AGPAT5: variants seen among roughly 807,000 people sequenced by gnomAD.
AGPAT5 encodes the protein 1-acyl-sn-glycerol-3-phosphate acyltransferase epsilon.
A neutral mutation model predicts 45.6 loss-of-function variants in AGPAT5; 46 were observed. That is an observed-to-expected ratio of 1.01 (90% CI 0.80 to 1.29). The LOEUF (loss-of-function observed/expected upper bound fraction) is 1.29, where lower values mean the gene tolerates loss of function less well. AGPAT5 is among the 50% of genes most tolerant of loss of function. The pLI is 0.00. For missense variants in AGPAT5, 673 were observed against 450.7 expected (o/e 1.49, Z -4.47); for synonymous variants, 272 against 167.0 (o/e 1.63, Z -4.85).
intron 7 of AGPAT5, 121 bp downstream of exon 7, chr8:6,755,295 A>G: frequency 9.1e-7 from 1 of 1,096,754 alleles, no homozygotes; most frequent in Non-Finnish European, 1.3e-6. Flanking sequence ...ATAAATTCAA[A>G]TCAAATTTTA....
chr8:6,728,701 A>G (rs1800769902), intron 2 of AGPAT5, among the ~76,000 whole-genome samples: 1 of 152,218 alleles, frequency 6.6e-6, no homozygotes, highest in African/African-American at 2.4e-5. Flanking sequence ...TATTTCCAAG[A>G]TGTGCTGTAG....
intron 1 of AGPAT5, among the ~76,000 whole-genome samples, chr8:6,717,321 A>G (rs1800364416): frequency 6.6e-6 from 1 of 152,180 alleles, no homozygotes; most frequent in African/African-American, 2.4e-5. Context: ...TATTTGGAAG[A>G]CGACTTTACT....
Position 6,730,318 on chromosome 8 carries a change from C to CTTTTT in AGPAT5, c.290-367_290-363dup, listed in dbSNP as rs1238035929. On this transcript the variant is annotated intron_variant, in intron 2 of 7. Coordinates refer to ENST00000285518, the MANE Select transcript of AGPAT5 (RefSeq NM_018361.5). ...AATTTTAAACATCCTAATCATAGGA[C>CTTTTT]TTTTTTTTTTTTTTTTTTTTTTTTT... is the stretch of plus-strand genomic sequence containing the variant. Among the ~76,000 whole-genome samples the CTTTTT allele has an allele frequency of 1.1e-3, 33 of 29,508 alleles. 16 individuals carry two copies. The highest frequency in any genetic ancestry group is 1.6e-3 in the East Asian group (2 of 1,214). The allele number at this position is 29,508 out of a possible 152,430, so 19.4% of individuals were successfully genotyped here.
chr8:6,748,459 G>C (rs981513283), intron 6 of AGPAT5, among the ~76,000 whole-genome samples: 1 of 152,082 alleles, frequency 6.6e-6, no homozygotes, highest in African/African-American at 2.4e-5. Context: ...ATATCTGTTT[G>C]AGCTGGGGTT....
chr8:6,751,599 A>AGGGAGGTATAAATC (rs1205140685), intron 6 of AGPAT5, among the ~76,000 whole-genome samples: 2 of 152,228 alleles, frequency 1.3e-5, no homozygotes, highest in Non-Finnish European at 2.9e-5. Context: ...TTTCATTTTA[A>AGGGAGGTATAAATC]GGGAGGTATA....
chr8:6,747,719 C>T lies in AGPAT5; in HGVS notation c.636C>T (p.His212=), dbSNP rs539082371. Reference sequence around the variant, plus strand: ...TAACACCACGAATAAAGGCAACTCACGTTGCTTTTGATTGCATGAAGAATT... The same window carrying T: ...TAACACCACGAATAAAGGCAACTCATGTTGCTTTTGATTGCATGAAGAATT... ...HVLTPRIKAT[H]VAFDCMKNYL... Residue 212 remains histidine, a synonymous_variant, in exon 6 of 8, where the codon CAC becomes CAT. Transcript: ENST00000285518. The T allele has an allele frequency of 1.5e-5, 25 of 1,613,898 alleles. No homozygotes were observed. Among genetic ancestry groups the T allele is most frequent in the Middle Eastern group, 1.6e-4 (1 of 6,082 alleles).
chr8:6,733,932 C>G (rs1563293864), intron 4 of AGPAT5, among the ~76,000 whole-genome samples: 1 of 152,152 alleles, frequency 6.6e-6, no homozygotes, highest in Admixed American at 6.5e-5. Flanking sequence ...ATGAATATAG[C>G]TGCCAGTGGC....
In AGPAT5 at chr8:6,761,194, A is replaced by G. The variant is rs1286540798; in HGVS notation, c.*3806A>G. ...GTACTTCTAATATACTGAGGGAAGT[A>G]TAATATGTGGAACAAACTCTCAACA... On this transcript the variant is annotated 3_prime_UTR_variant, in exon 8 of 8. Coordinates refer to ENST00000285518, the MANE Select transcript of AGPAT5 (RefSeq NM_018361.5). Among the ~76,000 whole-genome samples the G allele has an allele frequency of 6.6e-6, 1 of 152,242 alleles. No homozygotes were observed. Among genetic ancestry groups the G allele is most frequent in the Non-Finnish European group, 1.5e-5 (1 of 68,038 alleles).
chr8:6,708,905 C>T lies in AGPAT5; in HGVS notation c.219+18C>T, dbSNP rs536975645. The T allele has an allele frequency of 5.7e-6, 9 of 1,591,434 alleles. No individual in the cohort carries two copies. In the African/African-American group the frequency reaches 8.1e-5, roughly 14 times the overall value. On this transcript the variant is annotated intron_variant, in intron 1 of 7. Coordinates refer to ENST00000285518, the MANE Select transcript of AGPAT5 (RefSeq NM_018361.5). ...GGGTCCAGGTGAGCCGCCTCCCGCT[C>T]CCGGGTCTCGGCGTCCACCCGAGCT...
chr8:6,719,818 C>T (rs1000228844), intron 1 of AGPAT5, among the ~76,000 whole-genome samples: 3 of 152,142 alleles, frequency 2.0e-5, no homozygotes, highest in African/African-American at 7.2e-5. Context: ...ACATGATAAT[C>T]ATGTTCTAAT....
chr8:6,751,064 C>G (rs187143956), intron 6 of AGPAT5, among the ~76,000 whole-genome samples: 1 of 152,060 alleles, frequency 6.6e-6, no homozygotes, highest in East Asian at 1.9e-4. Context: ...GTCACTGGCT[C>G]AGCCCTGCTT....
intron 6 of AGPAT5, among the ~76,000 whole-genome samples, chr8:6,752,929 C>G (rs1040966324): frequency 1.3e-5 from 2 of 152,134 alleles, no homozygotes; most frequent in African/African-American, 4.8e-5. Context: ...TCTCATTGTC[C>G]CTACCTGGGT....
intron 1 of AGPAT5, among the ~76,000 whole-genome samples, chr8:6,714,956 T>C (rs973721416): frequency 3.3e-5 from 5 of 152,244 alleles, no homozygotes; most frequent in Non-Finnish European, 7.3e-5. Flanking sequence ...TCTCATTTTA[T>C]TATGGTTTCT....
intron 5 of AGPAT5, among the ~76,000 whole-genome samples, chr8:6,744,202 G>C (rs147151030): frequency 2.0e-4 from 30 of 152,286 alleles, no homozygotes; most frequent in African/African-American, 7.0e-4. Flanking sequence ...AAATTCAAGA[G>C]ATACAAATGA....
intron 2 of AGPAT5, among the ~76,000 whole-genome samples, chr8:6,729,343 G>T (rs1274999774): frequency 1.3e-5 from 1 of 74,246 alleles, no homozygotes; most frequent in Non-Finnish European, 2.2e-5. Flanking sequence ...ATTTTCTACA[G>T]ACTTTTTTTT....
chr8:6,751,886 T>TA (rs1348211219), intron 6 of AGPAT5, among the ~76,000 whole-genome samples: 23 of 152,284 alleles, frequency 1.5e-4, no homozygotes, highest in African/African-American at 5.1e-4. Flanking sequence ...TTTTTATATT[T>TA]AAAGTATGGA....
chr8:6,726,016 C>G (rs962753734), intron 2 of AGPAT5, among the ~76,000 whole-genome samples: 2 of 152,184 alleles, frequency 1.3e-5, no homozygotes, highest in Non-Finnish European at 2.9e-5. Context: ...ATTTATAGGA[C>G]AAGGGTTGAA....
chr8:6,718,982 T>C (rs1459540104), intron 1 of AGPAT5, among the ~76,000 whole-genome samples: 1 of 152,240 alleles, frequency 6.6e-6, no homozygotes, highest in Non-Finnish European at 1.5e-5. Context: ...ATTGGAATGA[T>C]GTCAAGAGGA....
chr8:6,719,924 A>G (rs368091775), intron 1 of AGPAT5, among the ~76,000 whole-genome samples: 2 of 152,192 alleles, frequency 1.3e-5, no homozygotes, highest in Admixed American at 1.3e-4. Context: ...AGCACCAGGA[A>G]CACCTTTGAC....
Sources: allele counts gnomAD v4.1 joint callset (sites outside exome capture counted in the v4.1 genomes callset), GRCh38; gene constraint gnomAD v4.1.1; transcripts MANE v1.5; gene names NCBI Gene and HGNC (gene_info 2026-07-23, HGNC 2026-07-21).